Variants in FBXO46 observed in about 807,000 individuals in gnomAD.
FBXO46 encodes the protein F-box protein 46, also known as F-box only protein 46.
Under a neutral mutation model 30.7 loss-of-function variants are expected in FBXO46, and 13 were observed. The ratio of observed to expected loss-of-function variants is 0.42; its 90% confidence interval spans 0.28 to 0.67. The LOEUF is 0.67. Ranked by LOEUF, FBXO46 falls within the 30% of genes least tolerant of loss-of-function variation. The pLI is 0.21. For synonymous variants in FBXO46, 467 were observed against 385.8 expected (o/e 1.21, Z -2.47); for missense variants, 754 against 871.5 (o/e 0.87, Z 1.70).
In FBXO46 at chr19:45,711,884, C is replaced by T. The variant is rs1162936114; in HGVS notation, c.1612G>A (p.Glu538Lys). The change falls in exon 2 of 2, where the codon GAG becomes AAG. Residue 538 changes from glutamate to lysine, a missense_variant. By Grantham distance (56) the Glu-to-Lys change is moderately conservative. Around this residue, in one of 5 missense-constraint regions of FBXO46, gnomAD observed 162 missense variants for 258.7 expected, o/e 0.63. Coordinates refer to ENST00000317683, the MANE Select transcript of FBXO46 (RefSeq NM_001080469.2). ...DPCKQCRKRY[E>K]KGDVSLCRWH... The stretch of plus-strand genomic sequence containing the variant: ...CGGCAGAGCGACACGTCGCCCTTCT[C>T]GTATCTCTTGCGGCACTGTTTGCAC... 1.2e-6 allele frequency: 2 copies of T among 1,613,628 alleles called. No homozygotes were observed. The highest frequency in any genetic ancestry group is 1.3e-5 in the African/African-American group (1 of 74,920).
intron 1 of FBXO46, among the ~76,000 whole-genome samples, chr19:45,721,182 C>T (rs768479624): frequency 1.8e-4 from 28 of 151,866 alleles, no homozygotes; most frequent in Non-Finnish European, 3.1e-4. Context: ...GGCAAAACCC[C>T]GTCTCTACTA....
chr19:45,721,275 T>A (rs1826753226), intron 1 of FBXO46, among the ~76,000 whole-genome samples: 1 of 148,002 alleles, frequency 6.8e-6, no homozygotes, highest in African/African-American at 2.5e-5. Context: ...AGCCCGGAAG[T>A]GGAGGGTGCA....
At position 45,712,217 on chromosome 19, in the gene FBXO46, AGTCGGCCGGGGG is replaced by A. The variant is rs769219766; in HGVS notation, c.1267_1278del (p.Pro423_Asp426del). On this transcript the variant is annotated inframe_deletion, in exon 2 of 2. Transcript: ENST00000317683. This position sits in a 1 kb window ranked among gnomAD's most constrained non-coding sequence, Gnocchi z 8.8. The stretch of plus-strand genomic sequence containing the variant: ...TCTGGGCCGGGCGCAGTGGCCGGGG[AGTCGGCCGGGGG>A]TGGCTCCGGGGGCCCGTCCGGCCCG... 4 of 1,605,048 alleles carry A rather than the reference AGTCGGCCGGGGG, an allele frequency of 2.5e-6. No individual in the cohort carries two copies. The South Asian group carries it at 3.3e-5, about 13-fold the overall frequency.
Position 45,727,418 on chromosome 19 carries a change from C to T in FBXO46, c.-79+3431G>A, listed in dbSNP as rs185306282. Among the ~76,000 whole-genome samples, 41 of 151,856 alleles carry T rather than the reference C, an allele frequency of 2.7e-4. 1 individual carries two copies. Among genetic ancestry groups the T allele is most frequent in the Admixed American group, 7.2e-4 (11 of 15,228 alleles). ...ACTAAAAATACAAAAATTAGCTGGG[C>T]GTGGTGACACAAGCCTGTAATCTCA... On this transcript the variant is annotated intron_variant, in intron 1 of 1. Coordinates refer to ENST00000317683, the MANE Select transcript of FBXO46 (RefSeq NM_001080469.2).
At chr19:45,728,915 C>A (rs1304113049) in intron 1 of FBXO46, among the ~76,000 whole-genome samples, 1 of 152,042 alleles carries the variant, frequency 6.6e-6, no homozygotes, top group African/African-American at 2.4e-5. Context: ...GCGGGCAGAT[C>A]ACCTGAGGTC....
intron 1 of FBXO46, among the ~76,000 whole-genome samples, chr19:45,719,221 TC>T (rs1254947640): frequency 3.3e-5 from 5 of 152,040 alleles, no homozygotes; most frequent in Non-Finnish European, 7.4e-5. Flanking sequence ...TGCACTCCAC[TC>T]TGGGTGACAG....
Position 45,712,380 on chromosome 19 carries a change from GC to G in FBXO46, c.1115del (p.Gly372AlafsTer3). On this transcript the variant is annotated frameshift_variant, in exon 2 of 2. Transcript: ENST00000317683. LOFTEE classifies it high-confidence loss of function. The surrounding 1 kb of genome is among the most constrained non-coding windows in gnomAD (Gnocchi z 8.8). ...SGFHVDVVVT[G>X]VVDECIFFGK... ...CAAAGAAGATGCACTCATCTACCAC[GC>G]CCGTCACCACCACGTCCACGTGGAA... The G allele has an allele frequency of 6.2e-7, 1 of 1,604,524 alleles. No homozygotes were observed. Among genetic ancestry groups the G allele is most frequent in the Non-Finnish European group, 8.5e-7 (1 of 1,179,670 alleles).
At chr19:45,714,925 C>G (rs961341135) in intron 1 of FBXO46, 2 of 152,042 alleles carry the variant, frequency 1.3e-5, no homozygotes, top group Non-Finnish European at 2.9e-5. Flanking sequence ...AAAGAAAACA[C>G]GAGGGTGCCT....
At position 45,712,309 on chromosome 19, in the gene FBXO46, G is replaced by A. The variant is rs746301066; in HGVS notation, c.1187C>T (p.Thr396Met). 2 of 1,601,780 alleles carry A rather than the reference G, an allele frequency of 1.2e-6. No homozygotes were observed. The highest frequency in any genetic ancestry group is 1.1e-5 in the South Asian group (1 of 91,078). Residue 396 changes from threonine to methionine, a missense_variant, in exon 2 of 2, where the codon ACG becomes ATG. Transcript: ENST00000317683. The surrounding 1 kb of genome is among the most constrained non-coding windows in gnomAD (Gnocchi z 8.8). The stretch of plus-strand genomic sequence containing the variant: ...AGGCGGCGGTTCCTCCGGGCTGACC[G>A]TCAGGCACACAGTCTCCTCCTTCAC... Reference protein sequence around the residue: ...KNVKEETVCLTVSPEEPPPPG... With the variant: ...KNVKEETVCLMVSPEEPPPPG...
upstream of FBXO46, chr19:45,731,012 G>A (rs904365133): frequency 6.6e-6 from 1 of 152,192 alleles, no homozygotes; most frequent in African/African-American, 2.4e-5. Flanking sequence ...TGGAGGTGGG[G>A]TAGGAAGCAA....
chr19:45,725,169 C>A (rs1353739839), intron 1 of FBXO46, among the ~76,000 whole-genome samples: 2 of 151,906 alleles, frequency 1.3e-5, no homozygotes, highest in Non-Finnish European at 2.9e-5. Context: ...GTAATTCTAG[C>A]ACTTTGGAAG....
intron 1 of FBXO46, among the ~76,000 whole-genome samples, chr19:45,728,654 A>G (rs887418525): frequency 6.6e-6 from 1 of 151,878 alleles, no homozygotes; most frequent in African/African-American, 2.4e-5. Flanking sequence ...TGGGCAACAA[A>G]GTAAGACCCG....
chr19:45,716,707 A>C (rs1176385162), intron 1 of FBXO46: 3 of 152,156 alleles, frequency 2.0e-5, no homozygotes, highest in Non-Finnish European at 4.4e-5. Flanking sequence ...AGCCAAAAAA[A>C]AAAAACAAAG....
At chr19:45,722,651 A>G (rs1398849323) in intron 1 of FBXO46, among the ~76,000 whole-genome samples, 4 of 152,018 alleles carry the variant, frequency 2.6e-5, no homozygotes, top group Admixed American at 6.6e-5. Flanking sequence ...AGTCCCAGCT[A>G]CTCAGGAGGC....
rs1047943091 is a variant in FBXO46 at position 45,713,825 on chromosome 19, G to A, written c.-78-252C>T. On this transcript the variant is annotated intron_variant, in intron 1 of 1. Coordinates refer to ENST00000317683, the MANE Select transcript of FBXO46 (RefSeq NM_001080469.2). This position sits in a 1 kb window ranked among gnomAD's most constrained non-coding sequence, Gnocchi z 4.7. Reference sequence around the variant, plus strand: ...TCTACTAAAAATACAAAAATGTGCTGGGCGTGATAGTCCACGCCTGTAATC... The same window carrying A: ...TCTACTAAAAATACAAAAATGTGCTAGGCGTGATAGTCCACGCCTGTAATC... Among the ~76,000 whole-genome samples, 1 of 152,036 alleles carries A rather than the reference G, an allele frequency of 6.6e-6. No homozygotes were observed. The highest frequency in any genetic ancestry group is 1.5e-5 in the Non-Finnish European group (1 of 67,994).
rs1427715057 is a variant in FBXO46 at position 45,713,264 on chromosome 19, C to T, written c.232G>A (p.Ala78Thr). The T allele has an allele frequency of 1.9e-6, 3 of 1,613,870 alleles. No individual in the cohort carries two copies. In the African/African-American group the frequency reaches 4.0e-5, roughly 22 times the overall value. ...QPAPLLSAAA[A>T]GDEGRVLLDT... ...AGGAGGACTCGACCCTCATCACCAGCAGCTGCTGCTGAGAGGAGCGGAGCC... is the reference window on the plus strand; with the variant it reads ...AGGAGGACTCGACCCTCATCACCAGTAGCTGCTGCTGAGAGGAGCGGAGCC... The change falls in exon 2 of 2, where the codon GCT (alanine) becomes ACT (threonine). Residue 78 changes from alanine (A) to threonine (T), a missense_variant. This residue lies in a region of FBXO46 where 97 missense variants were observed against 113.0 expected (regional missense o/e 0.86). Coordinates refer to ENST00000317683, the MANE Select transcript of FBXO46 (RefSeq NM_001080469.2). This position sits in a 1 kb window ranked among gnomAD's most constrained non-coding sequence, Gnocchi z 4.7.
At chr19:45,717,584 C>G (rs1236210559) in intron 1 of FBXO46, among the ~76,000 whole-genome samples, 2 of 152,188 alleles carry the variant, frequency 1.3e-5, no homozygotes, top group Non-Finnish European at 2.9e-5. Context: ...CAACTCCCAA[C>G]GTCCAGCTAA....
At chr19:45,728,081 C>T (rs1160080572) in intron 1 of FBXO46, among the ~76,000 whole-genome samples, 5 of 152,300 alleles carry the variant, frequency 3.3e-5, no homozygotes, top group East Asian at 1.9e-4. Context: ...GGACTACAGG[C>T]GCCCGCCACC....
At chr19:45,727,482 C>T (rs1205884994) in intron 1 of FBXO46, among the ~76,000 whole-genome samples, 3 of 151,856 alleles carry the variant, frequency 2.0e-5, no homozygotes, top group Non-Finnish European at 4.4e-5. Context: ...TCATTTGAAC[C>T]CGGGAGGCGG....
Sources: gnomAD v4.1 joint callset for allele counts (sites outside exome capture counted in the v4.1 genomes callset) on GRCh38, gnomAD v4.1.1 for gene constraint, gnomAD v4.1.1 regional missense constraint, Gnocchi (gnomAD v3.1) non-coding constraint, MANE v1.5 for transcripts, NCBI Gene and HGNC (gene_info 2026-07-23, HGNC 2026-07-21) for gene names.